The following CNTN4 variants were observed in gnomAD, a reference collection of about 807,000 sequenced individuals.
The protein encoded by CNTN4 is contactin 4.
Under a neutral mutation model 122.5 loss-of-function variants are expected in CNTN4, and 77 were observed. The ratio of observed to expected loss-of-function variants is 0.63; its 90% CI spans 0.52 to 0.76. The LOEUF is 0.76. CNTN4 is among the 30% of genes least tolerant of loss of function. CNTN4 has a pLI of 0.00. For missense variants in CNTN4, 1,256 were observed against 1,259.1 expected (o/e 1.00, Z 0.04); for synonymous variants, 512 against 447.0 (o/e 1.15, Z -1.83).
At chr3:2,937,737 G>A (rs938966224) in intron 13 of CNTN4, among the ~76,000 whole-genome samples, 1 of 152,172 alleles carries the variant, frequency 6.6e-6, no homozygotes, top group African/African-American at 2.4e-5. Context: ...GCAGTGCTTA[G>A]GGAACAGACT....
intron 2 of CNTN4, among the ~76,000 whole-genome samples, chr3:2,234,466 T>C (rs186961620): frequency 5.3e-5 from 8 of 152,018 alleles, no homozygotes; most frequent in African/African-American, 1.9e-4. Context: ...GCTCATCTCA[T>C]TTATATACAG....
intron 2 of CNTN4, among the ~76,000 whole-genome samples, chr3:2,335,807 T>C (rs2043932622): frequency 6.6e-6 from 1 of 152,136 alleles, no homozygotes; most frequent in Non-Finnish European, 1.5e-5. Context: ...GAGGTATCAT[T>C]AGATATTTTC....
intron 13 of CNTN4, among the ~76,000 whole-genome samples, chr3:2,985,964 G>A (rs951179317): frequency 4.7e-5 from 7 of 148,400 alleles, no homozygotes. Flanking sequence ...TCCTAGGCTG[G>A]AGTGTAGTGG....
intron 4 of CNTN4, among the ~76,000 whole-genome samples, chr3:2,695,733 T>G (rs563445983): frequency 1.4e-4 from 22 of 152,214 alleles, no homozygotes; most frequent in Non-Finnish European, 2.8e-4. Context: ...GCAAGTCATG[T>G]CAGAGATAAG....
Position 2,206,907 on chromosome 3 carries a change from G to T in CNTN4, c.-145+106268G>T, listed in dbSNP as rs374150703. On this transcript the variant is annotated intron_variant, in intron 2 of 24. Transcript: ENST00000418658. ...TTTTTTTTTTTTAAAGAATTTTAAG[G>T]TTTGTGGCAACTCTGAGTTGAGCAA... Among the ~76,000 whole-genome samples the T allele has an allele frequency of 1.0e-4, 15 of 148,880 alleles. No individual in the cohort carries two copies. The South Asian group carries it at 1.5e-3, about 15-fold the overall frequency.
intron 4 of CNTN4, among the ~76,000 whole-genome samples, chr3:2,691,949 G>T (rs946155222): frequency 2.0e-5 from 3 of 152,162 alleles, no homozygotes; most frequent in African/African-American, 7.2e-5. Flanking sequence ...ATACCTACCT[G>T]CTAGGGACGG....
intron 7 of CNTN4, among the ~76,000 whole-genome samples, chr3:2,825,626 C>T (rs1182974067): frequency 6.6e-6 from 1 of 152,162 alleles, no homozygotes; most frequent in Non-Finnish European, 1.5e-5. Context: ...CAGTTCAAGG[C>T]TGCAGTGAGC....
At chr3:2,715,947 T>G (rs1053294267) in intron 4 of CNTN4, among the ~76,000 whole-genome samples, 1 of 152,122 alleles carries the variant, frequency 6.6e-6, no homozygotes, top group Non-Finnish European at 1.5e-5. Context: ...CCATCCCCAT[T>G]ACATGTTTTA....
intron 23 of CNTN4, among the ~76,000 whole-genome samples, chr3:3,048,111 C>G (rs1700861097): frequency 6.6e-6 from 1 of 152,124 alleles, no homozygotes; most frequent in Non-Finnish European, 1.5e-5. Flanking sequence ...AGGAAGGTCA[C>G]TGTAACTGGC....
intron 3 of CNTN4, among the ~76,000 whole-genome samples, chr3:2,349,900 CA>C (rs2044542521): frequency 6.6e-6 from 1 of 152,006 alleles, no homozygotes; most frequent in Non-Finnish European, 1.5e-5. Flanking sequence ...GGAAGAGAAA[CA>C]ACAGTCAACT....
At chr3:2,401,821 C>T (rs774561160) in intron 3 of CNTN4, among the ~76,000 whole-genome samples, 4 of 152,070 alleles carry the variant, frequency 2.6e-5, no homozygotes, top group Non-Finnish European at 4.4e-5. Context: ...GTTTGTTCAC[C>T]GCAGTGCATT....
intron 4 of CNTN4, among the ~76,000 whole-genome samples, chr3:2,692,515 GTATGA>G (rs1185349823): frequency 3.3e-5 from 5 of 152,046 alleles, no homozygotes; most frequent in Non-Finnish European, 1.5e-5. Flanking sequence ...ATCTTTTTTA[GTATGA>G]TAAAAATTAG....
intron 10 of CNTN4, among the ~76,000 whole-genome samples, chr3:2,891,088 C>T (rs990261987): frequency 6.6e-6 from 1 of 152,040 alleles, no homozygotes; most frequent in African/African-American, 2.4e-5. Flanking sequence ...TAATATTTTA[C>T]TGGAAGTTAA....
intron 3 of CNTN4, among the ~76,000 whole-genome samples, chr3:2,356,525 A>C (rs2044879870): frequency 6.6e-6 from 1 of 152,186 alleles, no homozygotes; most frequent in Non-Finnish European, 1.5e-5. Flanking sequence ...CAGTGAGGAC[A>C]ACCAGAGGTC....
intron 14 of CNTN4, among the ~76,000 whole-genome samples, chr3:3,002,086 G>T (rs886146097): frequency 2.0e-5 from 3 of 152,212 alleles, no homozygotes; most frequent in African/African-American, 7.2e-5. Flanking sequence ...GCTGACTGGG[G>T]ATTCCTGTCA....
At chr3:2,546,991 T>C (rs1254834070) in intron 3 of CNTN4, among the ~76,000 whole-genome samples, 1 of 152,130 alleles carries the variant, frequency 6.6e-6, no homozygotes, top group Non-Finnish European at 1.5e-5. Context: ...CCACGTAATA[T>C]TGATTAATCT....
intron 12 of CNTN4, among the ~76,000 whole-genome samples, chr3:2,904,394 TAAAA>T (rs1358791625): frequency 6.6e-6 from 1 of 152,022 alleles, no homozygotes; most frequent in Non-Finnish European, 1.5e-5. Flanking sequence ...TGTAAAAAAA[TAAAA>T]AGAAAGAAAA....
At chr3:3,039,726 T>C (rs1699965121) in intron 19 of CNTN4, 1 of 375,726 alleles carries the variant, frequency 2.7e-6, no homozygotes, top group Non-Finnish European at 5.1e-6. Flanking sequence ...GGAAATGTGG[T>C]TTTTCAGGAG....
intron 3 of CNTN4, among the ~76,000 whole-genome samples, chr3:2,457,716 T>C (rs952995468): frequency 4.6e-5 from 7 of 152,242 alleles, no homozygotes; most frequent in African/African-American, 1.7e-4. Context: ...TCTGCCATAT[T>C]GGGCTTATGC....
Sources: allele counts gnomAD v4.1 joint callset (sites outside exome capture counted in the v4.1 genomes callset), GRCh38; gene constraint gnomAD v4.1.1; transcripts MANE v1.5; gene names NCBI Gene and HGNC (gene_info 2026-07-23, HGNC 2026-07-21).